Variants in TCEANC2 observed in about 807,000 individuals in gnomAD.
The protein encoded by TCEANC2 is transcription elongation factor A N-terminal and central domain containing 2.
Under a neutral mutation model 22.8 loss-of-function variants are expected in TCEANC2, and 20 were observed. The observed-to-expected ratio is 0.88, with a 90% CI of 0.62 to 1.28. The LOEUF is 1.28. TCEANC2 is among the 50% of genes most tolerant of loss of function. The pLI is 0.00. For missense variants in TCEANC2, 251 were observed against 249.7 expected (o/e 1.01, Z -0.03); for synonymous variants, 84 against 95.5 (o/e 0.88, Z 0.70).
At chr1:54,085,066 G>A (rs1362998218) in intron 3 of TCEANC2, among the ~76,000 whole-genome samples, 2 of 152,164 alleles carry the variant, frequency 1.3e-5, no homozygotes, top group East Asian at 1.9e-4. Context: ...GATGAGTGTT[G>A]ATGTACTCCT....
intron 3 of TCEANC2, among the ~76,000 whole-genome samples, chr1:54,081,787 A>G (rs894487556): frequency 3.3e-5 from 5 of 151,820 alleles, no homozygotes; most frequent in Non-Finnish European, 7.4e-5. Flanking sequence ...TTGACAGAAC[A>G]CTCCTGACCA....
chr1:54,097,758 G>A lies in TCEANC2; in HGVS notation c.*1285G>A, dbSNP rs1433576379. The A allele has an allele frequency of 1.3e-5, 2 of 152,138 alleles. No individual in the cohort carries two copies. Among genetic ancestry groups the A allele is most frequent in the Non-Finnish European group, 2.9e-5 (2 of 68,024 alleles). The allele number at this position is 152,138 out of a possible 1,614,324, so 9.4% of individuals were successfully genotyped here. A position where few individuals can be genotyped will look rare whatever the true frequency, so the allele number is the denominator to read the frequency against. On this transcript the variant is annotated 3_prime_UTR_variant, in exon 5 of 5. Transcript: ENST00000234827. ...ATTTCCTGAGCATCCATTCTGTGGG[G>A]TAGGTGTATACTGAGCAGTAGTTAC...
chr1:54,076,038 AAAAG>A (rs1323024699), intron 3 of TCEANC2, among the ~76,000 whole-genome samples: 1 of 152,014 alleles, frequency 6.6e-6, no homozygotes, highest in Non-Finnish European at 1.5e-5. Flanking sequence ...CAAAAAAAAA[AAAAG>A]AAGAAGAAGA....
chr1:54,062,732 G>A (rs1164920548), intron 2 of TCEANC2, among the ~76,000 whole-genome samples: 3 of 152,144 alleles, frequency 2.0e-5, no homozygotes, highest in Non-Finnish European at 4.4e-5. Context: ...AAATGAATAA[G>A]TATTTATCAG....
rs1259177396 is a variant in TCEANC2, at chr1:54,105,617, C to G, written c.*9144C>G. 1 of 146,944 alleles carries G rather than the reference C, an allele frequency of 6.8e-6. No individual in the cohort carries two copies. The highest frequency in any genetic ancestry group is 1.5e-5 in the Non-Finnish European group (1 of 67,598). 9.1% of individuals were successfully genotyped at this position (146,944 alleles called of 1,614,324 possible). On this transcript the variant is annotated 3_prime_UTR_variant, in exon 5 of 5. Coordinates refer to ENST00000234827, the MANE Select transcript of TCEANC2 (RefSeq NM_153035.3). Reference sequence around the variant, plus strand: ...CCAGTTTTTGTTAACAATTCTAGAACAGGGGTCAGCAAACTTTTTTTTTTT... The same window carrying G: ...CCAGTTTTTGTTAACAATTCTAGAAGAGGGGTCAGCAAACTTTTTTTTTTT...
intron 4 of TCEANC2, chr1:54,089,736 A>T (rs1416588749): frequency 1.1e-5 from 3 of 280,022 alleles, no homozygotes; most frequent in South Asian, 2.5e-4. Flanking sequence ...TCAATTTTTT[A>T]TCTACAAAAG....
intron 3 of TCEANC2, among the ~76,000 whole-genome samples, chr1:54,080,031 A>G (rs1658208533): frequency 6.6e-6 from 1 of 152,108 alleles, no homozygotes; most frequent in South Asian, 2.1e-4. Flanking sequence ...CAACTAAATT[A>G]GCATTGTCTG....
chr1:54,085,172 C>T (rs1658316018), intron 3 of TCEANC2, among the ~76,000 whole-genome samples: 1 of 152,138 alleles, frequency 6.6e-6, no homozygotes, highest in African/African-American at 2.4e-5. Context: ...CCTGTCTTCC[C>T]TTCAAAGTTT....
chr1:54,095,997 T>A (rs768038160), intron 4 of TCEANC2, among the ~76,000 whole-genome samples: 37 of 152,326 alleles, frequency 2.4e-4, no homozygotes, highest in Non-Finnish European at 4.4e-4. Flanking sequence ...GTTTCCTGGT[T>A]GGTAAAGTAC....
downstream of TCEANC2, among the ~76,000 whole-genome samples, chr1:54,109,273 A>T (rs1658806474): frequency 2.0e-5 from 3 of 152,198 alleles, no homozygotes; most frequent in South Asian, 6.2e-4. Context: ...CATTCCAGGT[A>T]CAAGGAAAGG....
chr1:54,073,187 G>A (rs1227748368), intron 3 of TCEANC2, among the ~76,000 whole-genome samples: 5 of 152,062 alleles, frequency 3.3e-5, no homozygotes, highest in Non-Finnish European at 7.4e-5. Context: ...GGATGGTCTT[G>A]AACTCCTGTA....
intron 3 of TCEANC2, among the ~76,000 whole-genome samples, chr1:54,085,652 G>A (rs1658326435): frequency 6.6e-6 from 1 of 152,108 alleles, no homozygotes; most frequent in Non-Finnish European, 1.5e-5. Context: ...TTATATTTGT[G>A]TAGAAGTATT....
rs1658698545 is a variant in TCEANC2 at position 54,103,614 on chromosome 1, C to A, written c.*7141C>A. On this transcript the variant is annotated 3_prime_UTR_variant, in exon 5 of 5. Coordinates refer to ENST00000234827, the MANE Select transcript of TCEANC2 (RefSeq NM_153035.3). Reference sequence around the variant, plus strand: ...CCATATCAGATGGTATGGCATGGCTCCCACTCACCAAGACTGATCTAGCTA... The same window carrying A: ...CCATATCAGATGGTATGGCATGGCTACCACTCACCAAGACTGATCTAGCTA... 1 of 152,176 alleles carries A rather than the reference C, an allele frequency of 6.6e-6. No individual in the cohort carries two copies. Among genetic ancestry groups the A allele is most frequent in the Non-Finnish European group, 1.5e-5 (1 of 68,040 alleles). The allele number at this position is 152,176 out of a possible 1,614,324, so 9.4% of individuals were successfully genotyped here.
chr1:54,066,612 A>T (rs1167230554), intron 2 of TCEANC2, among the ~76,000 whole-genome samples: 7 of 152,236 alleles, frequency 4.6e-5, no homozygotes, highest in South Asian at 2.1e-4. Flanking sequence ...AAATTCTAAG[A>T]CATTTGTGTA....
At position 54,091,223 on chromosome 1, in the gene TCEANC2, C is replaced by T. The variant is rs536090450; in HGVS notation, c.438+2433C>T. Among the ~76,000 whole-genome samples the T allele has an allele frequency of 4.6e-5, 7 of 151,344 alleles. No homozygotes were observed. The South Asian group carries it at 1.5e-3, about 32-fold the overall frequency. On this transcript the variant is annotated intron_variant, in intron 4 of 4. Transcript: ENST00000234827. ...TAGCATGTTTATCAGTTTGTTATGT[C>T]AGAGAATATAAATACAAGCACTTTT...
Position 54,101,050 on chromosome 1 carries a change from A to G in TCEANC2, c.*4577A>G, listed in dbSNP as rs1570031914. On this transcript the variant is annotated 3_prime_UTR_variant, in exon 5 of 5. Coordinates refer to ENST00000234827, the MANE Select transcript of TCEANC2 (RefSeq NM_153035.3). ...TTGAAAAATGGCAGGAGACCCAGATAATGCATTTACTGTGTTCTGTGGTGA... is the reference window on the plus strand; with the variant it reads ...TTGAAAAATGGCAGGAGACCCAGATGATGCATTTACTGTGTTCTGTGGTGA... The G allele has an allele frequency of 1.3e-5, 2 of 152,282 alleles. No individual in the cohort carries two copies. Among genetic ancestry groups the G allele is most frequent in the Admixed American group, 1.3e-4 (2 of 15,300 alleles). The allele number at this position is 152,282 out of a possible 1,614,324, so 9.4% of individuals were successfully genotyped here.
At chr1:54,076,061 GT>G (rs1209098496) in intron 3 of TCEANC2, among the ~76,000 whole-genome samples, 1 of 151,492 alleles carries the variant, frequency 6.6e-6, no homozygotes, top group African/African-American at 2.4e-5. Context: ...GAAGAAACGT[GT>G]TTTATTTTAT....
intron 1 of TCEANC2, 132 bp from the exon 2 acceptor site, chr1:54,054,245 TCTTA>T (rs1657693918): frequency 6.9e-7 from 1 of 1,439,396 alleles, no homozygotes; most frequent in African/African-American, 1.4e-5. Flanking sequence ...AAAGAGAAAA[TCTTA>T]CTTCCTGTCA....
intron 2 of TCEANC2, among the ~76,000 whole-genome samples, chr1:54,058,744 C>T (rs1431169579): frequency 6.6e-6 from 1 of 152,290 alleles, no homozygotes; most frequent in African/African-American, 2.4e-5. Context: ...GCAACCTCCA[C>T]CTCCTGGGTT....
Sources: allele counts gnomAD v4.1 joint callset (sites outside exome capture counted in the v4.1 genomes callset), GRCh38; gene constraint gnomAD v4.1.1; transcripts MANE v1.5; gene names NCBI Gene and HGNC (gene_info 2026-07-23, HGNC 2026-07-21).